ASIC2: variants seen among roughly 807,000 people sequenced by gnomAD.
ASIC2 encodes the protein acid-sensing ion channel 2.
Under a neutral mutation model 57.3 loss-of-function variants are expected in ASIC2, and 25 were observed. The ratio of observed to expected loss-of-function variants is 0.44; its 90% CI spans 0.32 to 0.61. ASIC2 has a LOEUF of 0.61. Among genes scored for constraint, ASIC2 ranks in the 20% least tolerant of loss-of-function variants. The pLI, the probability that ASIC2 is intolerant of heterozygous loss-of-function variation, is 0.06. For synonymous variants in ASIC2, 319 were observed against 307.5 expected, an observed-to-expected ratio of 1.04 and a Z score of -0.39; for missense variants, 641 against 738.1, an observed-to-expected ratio of 0.87 and a Z score of 1.52.
intron 1 of ASIC2, among the ~76,000 whole-genome samples, chr17:33,888,867 G>A (rs949270442): frequency 6.6e-6 from 1 of 152,094 alleles, no homozygotes; most frequent in Admixed American, 6.6e-5. Flanking sequence ...CTACTTTTGT[G>A]GTTCTCTCCC....
intron 1 of ASIC2, among the ~76,000 whole-genome samples, chr17:33,663,087 G>A (rs190625782): frequency 1.4e-3 from 213 of 152,214 alleles, no homozygotes; most frequent in Middle Eastern, 3.4e-3. Context: ...CTCAATGCAC[G>A]AGAGACATCA....
chr17:33,358,816 C>T (rs1407646227), intron 1 of ASIC2, among the ~76,000 whole-genome samples: 4 of 152,110 alleles, frequency 2.6e-5, no homozygotes, highest in Admixed American at 2.6e-4. Context: ...AGTTAGGGAC[C>T]TCTTTGTATT....
intron 3 of ASIC2, among the ~76,000 whole-genome samples, chr17:33,067,329 G>C (rs529393241): frequency 2.0e-5 from 3 of 152,330 alleles, no homozygotes; most frequent in African/African-American, 7.2e-5. Context: ...ATCTGAGAAG[G>C]CTTCCTGGAG....
chr17:34,099,757 A>G (rs562775799), intron 1 of ASIC2, among the ~76,000 whole-genome samples: 4 of 16,294 alleles, frequency 2.5e-4, no homozygotes, highest in Non-Finnish European at 3.4e-4. Flanking sequence ...AAAGAAAGAA[A>G]GAAAGAAAGA....
chr17:33,583,750 A>C (rs1904521806), intron 1 of ASIC2, among the ~76,000 whole-genome samples: 1 of 152,246 alleles, frequency 6.6e-6, no homozygotes, highest in Non-Finnish European at 1.5e-5. Flanking sequence ...ACCAATGTTC[A>C]AGGGTGAGCA....
intron 1 of ASIC2, among the ~76,000 whole-genome samples, chr17:33,552,260 C>T (rs9910987): frequency 0.1 from 15,570 of 152,120 alleles, 2,106 homozygotes; most frequent in African/African-American, 0.31. Context: ...TATTACAGAG[C>T]GTCAGGAAGA....
chr17:33,324,881 A>G (rs910606887), intron 1 of ASIC2, among the ~76,000 whole-genome samples: 20 of 152,222 alleles, frequency 1.3e-4, no homozygotes, highest in African/African-American at 4.8e-4. Context: ...CACCAGGAAT[A>G]TCACAAGAGA....
intron 1 of ASIC2, among the ~76,000 whole-genome samples, chr17:33,439,237 A>G (rs896590512): frequency 6.6e-5 from 10 of 152,242 alleles, no homozygotes; most frequent in Non-Finnish European, 1.5e-4. Context: ...ATCTAAGTCA[A>G]TGTCATAATA....
At chr17:33,451,108 G>A (rs574643652) in intron 1 of ASIC2, among the ~76,000 whole-genome samples, 2 of 151,278 alleles carry the variant, frequency 1.3e-5, no homozygotes, top group South Asian at 4.2e-4. Context: ...CCAGGCTGGA[G>A]TGCAGTGGTG....
At chr17:33,833,706 T>C (rs1913185260) in intron 1 of ASIC2, among the ~76,000 whole-genome samples, 1 of 152,192 alleles carries the variant, frequency 6.6e-6, no homozygotes, top group Non-Finnish European at 1.5e-5. Flanking sequence ...CTGAGATTTG[T>C]GTTTGATATG....
At chr17:33,560,369 A>G (rs1916036452) in intron 1 of ASIC2, among the ~76,000 whole-genome samples, 2 of 152,226 alleles carry the variant, frequency 1.3e-5, no homozygotes, top group Non-Finnish European at 2.9e-5. Context: ...GGAAATGACT[A>G]AGGCAACTGC....
At chr17:33,099,967 T>G (rs540454314) in intron 2 of ASIC2, 1 of 152,238 alleles carries the variant, frequency 6.6e-6, no homozygotes, top group African/African-American at 2.4e-5. Flanking sequence ...AGAGCTTTCA[T>G]GTGGGATACT....
At chr17:34,110,010 T>G (rs545446257) in intron 1 of ASIC2, among the ~76,000 whole-genome samples, 1 of 152,020 alleles carries the variant, frequency 6.6e-6, no homozygotes, top group Non-Finnish European at 1.5e-5. Context: ...TAGTATGGGA[T>G]AGTATTTCTA....
At chr17:33,158,077 C>A (rs1905058756) in intron 1 of ASIC2, among the ~76,000 whole-genome samples, 1 of 152,180 alleles carries the variant, frequency 6.6e-6, no homozygotes, top group South Asian at 2.1e-4. Flanking sequence ...TGGAAATGAA[C>A]CCACCAGCAC....
intron 1 of ASIC2, among the ~76,000 whole-genome samples, chr17:33,772,103 A>G (rs1256506007): frequency 6.6e-6 from 1 of 152,230 alleles, no homozygotes; most frequent in African/African-American, 2.4e-5. Context: ...GGAGAGTCAC[A>G]GGAGCAGAAC....
intron 1 of ASIC2, among the ~76,000 whole-genome samples, chr17:33,229,663 G>A (rs80343429): frequency 0.039 from 5,870 of 152,290 alleles, 135 homozygotes; most frequent in Non-Finnish European, 0.06. Context: ...AGCTCATTTC[G>A]GGAATTGAAA....
At chr17:33,075,195 C>T (rs964354126) in intron 3 of ASIC2, among the ~76,000 whole-genome samples, 5 of 152,186 alleles carry the variant, frequency 3.3e-5, no homozygotes, top group African/African-American at 1.2e-4. Flanking sequence ...CTCATGAGAT[C>T]TGATGGTTTT....
At chr17:33,624,340 A>T (rs369295495) in intron 1 of ASIC2, among the ~76,000 whole-genome samples, 1 of 152,320 alleles carries the variant, frequency 6.6e-6, no homozygotes, top group East Asian at 1.9e-4. Context: ...ATGGTGGTGA[A>T]GATCCATGTC....
intron 1 of ASIC2, among the ~76,000 whole-genome samples, chr17:34,032,100 G>C (rs145890935): frequency 2.0e-5 from 3 of 152,224 alleles, no homozygotes; most frequent in Admixed American, 1.3e-4. Flanking sequence ...AAATGATCAG[G>C]GTAGCCAGAG....
Sources: gnomAD v4.1 joint callset for allele counts (sites outside exome capture counted in the v4.1 genomes callset) on GRCh38, gnomAD v4.1.1 for gene constraint, MANE v1.5 for transcripts, NCBI Gene and HGNC (gene_info 2026-07-23, HGNC 2026-07-21) for gene names.